Variants in RAB31 observed in about 807,000 individuals in gnomAD.
The protein encoded by RAB31 is ras-related protein Rab-31.
RAB31 carries 21 observed loss-of-function variants against 25.6 expected under a neutral mutation model. That is an observed-to-expected ratio of 0.82 (90% CI 0.58 to 1.18). The LOEUF (loss-of-function observed/expected upper bound fraction) is 1.18. Among genes scored for constraint, RAB31 ranks in the 50% most tolerant of loss-of-function variants. The pLI is 0.00. For missense variants in RAB31, 196 were observed against 250.1 expected (o/e 0.78, Z 1.46); for synonymous variants, 87 against 84.0 (o/e 1.04, Z -0.20).
chr18:9,846,983 C>T (rs2068765390), intron 6 of RAB31, among the ~76,000 whole-genome samples: 1 of 152,172 alleles, frequency 6.6e-6, no homozygotes, highest in South Asian at 2.1e-4. Context: ...TGATTTCTTA[C>T]TCTCAACAGA....
At chr18:9,743,228 T>C (rs1380691469) in intron 1 of RAB31, among the ~76,000 whole-genome samples, 1 of 152,224 alleles carries the variant, frequency 6.6e-6, no homozygotes, top group Non-Finnish European at 1.5e-5. Flanking sequence ...CTTCCCTGTA[T>C]AGGCATGACC....
chr18:9,732,238 G>A (rs1388213574), intron 1 of RAB31, among the ~76,000 whole-genome samples: 2 of 152,162 alleles, frequency 1.3e-5, no homozygotes, highest in Non-Finnish European at 2.9e-5. Context: ...GGAGTCACAC[G>A]CATGCAGGCA....
intron 1 of RAB31, among the ~76,000 whole-genome samples, chr18:9,756,102 GA>G (rs2068259260): frequency 6.6e-6 from 1 of 152,216 alleles, no homozygotes; most frequent in Non-Finnish European, 1.5e-5. Context: ...TTTAAACCAT[GA>G]GAAGGTCATG....
intron 1 of RAB31, among the ~76,000 whole-genome samples, chr18:9,710,726 C>T (rs1255593369): frequency 2.6e-5 from 4 of 152,156 alleles, no homozygotes; most frequent in Middle Eastern, 3.4e-3. Flanking sequence ...GCGGTAGCGG[C>T]GCATGCTTGT....
chr18:9,846,379 T>C (rs2068762032), intron 6 of RAB31, among the ~76,000 whole-genome samples: 1 of 152,232 alleles, frequency 6.6e-6, no homozygotes, highest in Admixed American at 6.5e-5. Flanking sequence ...CCTTCATAAG[T>C]TCTCTGGTTG....
rs1172088895 is a variant in RAB31 at position 9,708,307 on chromosome 18, G to T, written c.-99G>T. The T allele has an allele frequency of 2.3e-6, 2 of 865,510 alleles. No homozygotes were observed. The highest frequency in any genetic ancestry group is 1.8e-5 in the African/African-American group (1 of 55,876). 53.6% of individuals were successfully genotyped at this position (865,510 alleles called of 1,614,324 possible). On this transcript the variant is annotated 5_prime_UTR_variant, in exon 1 of 7. Transcript: ENST00000578921. This position sits in a 1 kb window ranked among gnomAD's most constrained non-coding sequence, Gnocchi z 6.4. Reference sequence around the variant, plus strand: ...AGCGGCGGCGGTTCCGCCCGCGGGCGGCGCGAGCGAGGGGCAGAGGCGAGA... The same window carrying T: ...AGCGGCGGCGGTTCCGCCCGCGGGCTGCGCGAGCGAGGGGCAGAGGCGAGA...
At chr18:9,813,094 T>C (rs2068582853) in intron 3 of RAB31, among the ~76,000 whole-genome samples, 3 of 152,182 alleles carry the variant, frequency 2.0e-5, no homozygotes. Flanking sequence ...ACTAATGACC[T>C]CTCCTGTCTG....
rs148692515 is a variant in RAB31 at position 9,861,601 on chromosome 18, C to G, written c.*2276C>G. On this transcript the variant is annotated 3_prime_UTR_variant, in exon 7 of 7. Coordinates refer to ENST00000578921, the MANE Select transcript of RAB31 (RefSeq NM_006868.4). Reference sequence around the variant, plus strand: ...TTTACAACCTTCCTTTGTTTTGGCTCGGGATTACTTCCTGGCTGTCTAATA... The same window carrying G: ...TTTACAACCTTCCTTTGTTTTGGCTGGGGATTACTTCCTGGCTGTCTAATA... 6.6e-6 allele frequency: 1 copy of G among 152,000 alleles called. No homozygotes were observed. Among genetic ancestry groups the G allele is most frequent in the African/African-American group, 2.4e-5 (1 of 41,376 alleles). 9.4% of individuals were successfully genotyped at this position (152,000 alleles called of 1,614,324 possible).
intron 1 of RAB31, among the ~76,000 whole-genome samples, chr18:9,750,787 T>C (rs1352415486): frequency 6.6e-6 from 1 of 152,324 alleles, no homozygotes; most frequent in African/African-American, 2.4e-5. Context: ...TTCCTTTGGT[T>C]CATCTGATCA....
intron 5 of RAB31, chr18:9,830,631 G>A (rs2068673314): frequency 6.6e-6 from 1 of 152,138 alleles, no homozygotes; most frequent in Non-Finnish European, 1.5e-5. Context: ...GCCAGGCTGT[G>A]TTGTTTTTTC....
At chr18:9,818,239 G>A (rs190632940) in intron 5 of RAB31, among the ~76,000 whole-genome samples, 36 of 152,076 alleles carry the variant, frequency 2.4e-4, no homozygotes, top group South Asian at 1.2e-3. Flanking sequence ...AAAACATCAC[G>A]GTCACCTGTT....
rs1428212443 is a variant in RAB31, at chr18:9,861,192, G to GT, written c.*1871dup. On this transcript the variant is annotated 3_prime_UTR_variant, in exon 7 of 7. Coordinates refer to ENST00000578921, the MANE Select transcript of RAB31 (RefSeq NM_006868.4). ...TTATTTTGTAACCTTTCCTCATCCAGTTTTCCCTGAGAACCTGGGTTTATC... is the reference window on the plus strand; with the variant it reads ...TTATTTTGTAACCTTTCCTCATCCAGTTTTTCCCTGAGAACCTGGGTTTATC... 2 of 151,600 alleles carry GT rather than the reference G, an allele frequency of 1.3e-5. No individual in the cohort carries two copies. The highest frequency in any genetic ancestry group is 4.9e-5 in the African/African-American group (2 of 41,218). 9.4% of individuals were successfully genotyped at this position (151,600 alleles called of 1,614,324 possible). A position where few individuals can be genotyped will look rare whatever the true frequency, so the allele number is the denominator to read the frequency against.
At chr18:9,719,323 ATAT>A (rs2068062080) in intron 1 of RAB31, among the ~76,000 whole-genome samples, 3 of 84,982 alleles carry the variant, frequency 3.5e-5, no homozygotes, top group African/African-American at 1.4e-4. Flanking sequence ...ATATATATAT[ATAT>A]ATAAATAAAT....
chr18:9,765,004 G>A (rs1346793756), intron 1 of RAB31, among the ~76,000 whole-genome samples: 1 of 151,808 alleles, frequency 6.6e-6, no homozygotes, highest in Non-Finnish European at 1.5e-5. Context: ...ACCCAGGCTG[G>A]AGTGCAATGC....
chr18:9,806,010 TAAAA>T (rs757530281), intron 3 of RAB31, among the ~76,000 whole-genome samples: 1 of 151,868 alleles, frequency 6.6e-6, no homozygotes, highest in South Asian at 2.1e-4. Flanking sequence ...CCGTCTCTAC[TAAAA>T]AAATACAAAA....
intron 1 of RAB31, among the ~76,000 whole-genome samples, chr18:9,760,446 TACAGACCTGAAGCCACCA>T (rs1362417848): frequency 6.6e-6 from 1 of 152,212 alleles, no homozygotes; most frequent in Non-Finnish European, 1.5e-5. Context: ...GTGCTGGGAT[TACAGACCTGAAGCCACCA>T]TGCTGGGCCA....
At chr18:9,853,760 A>G (rs497146) in intron 6 of RAB31, among the ~76,000 whole-genome samples, 71,592 of 151,948 alleles carry the variant, frequency 0.47, 18,454 homozygotes, top group South Asian at 0.67. Context: ...GATGTTAAAA[A>G]TGGGAGAAAT....
intron 5 of RAB31, among the ~76,000 whole-genome samples, chr18:9,819,451 T>C (rs2068614759): frequency 6.6e-6 from 1 of 152,212 alleles, no homozygotes; most frequent in African/African-American, 2.4e-5. Flanking sequence ...ACCAGTGTTA[T>C]ACTATTTTGA....
chr18:9,825,329 A>C (rs570309644), intron 5 of RAB31, among the ~76,000 whole-genome samples: 6 of 152,148 alleles, frequency 3.9e-5, no homozygotes, highest in Non-Finnish European at 7.3e-5. Context: ...TCTAAATAGA[A>C]AAGAAAGCTT....
Sources: gnomAD v4.1 joint callset for allele counts (sites outside exome capture counted in the v4.1 genomes callset) on GRCh38, gnomAD v4.1.1 for gene constraint, Gnocchi (gnomAD v3.1) non-coding constraint, MANE v1.5 for transcripts, NCBI Gene and HGNC (gene_info 2026-07-23, HGNC 2026-07-21) for gene names.